The following KMT5B variants were observed in gnomAD, a reference collection of about 807,000 sequenced individuals.
KMT5B encodes the protein lysine methyltransferase 5B.
In KMT5B, 10 loss-of-function variants were observed where a neutral mutation model predicts 83.2. The ratio of observed to expected loss-of-function variants is 0.12; its 90% CI spans 0.07 to 0.20. KMT5B has a LOEUF of 0.20. KMT5B is among the 10% of genes least tolerant of loss of function. KMT5B has a pLI of 1.00. For synonymous variants in KMT5B, 349 were observed against 388.8 expected (o/e 0.90, Z 1.20); for missense variants, 753 against 1,067.2 (o/e 0.71, Z 4.10).
intron 1 of KMT5B, among the ~76,000 whole-genome samples, chr11:68,195,407 C>G (rs1591038290): frequency 6.6e-6 from 1 of 152,106 alleles, no homozygotes; most frequent in African/African-American, 2.4e-5. Flanking sequence ...TTGTGAGGAT[C>G]ACATGAAATA....
At chr11:68,195,890 C>T (rs1007768709) in intron 1 of KMT5B, among the ~76,000 whole-genome samples, 1 of 152,184 alleles carries the variant, frequency 6.6e-6, no homozygotes, top group African/African-American at 2.4e-5. Context: ...GGTGTGGTGG[C>T]TCATGCCTGT....
At chr11:68,185,074 C>T (rs1274703155) in intron 3 of KMT5B, among the ~76,000 whole-genome samples, 4 of 151,894 alleles carry the variant, frequency 2.6e-5, no homozygotes, top group South Asian at 2.1e-4. Flanking sequence ...ACAGAGACAA[C>T]GTGTAAGAGA....
At chr11:68,167,322 T>G in intron 9 of KMT5B, 144 bp from the exon 10 acceptor site, 1 of 895,936 alleles carries the variant, frequency 1.1e-6, no homozygotes, top group Non-Finnish European at 1.6e-6. Flanking sequence ...AGACTAGAAC[T>G]CACAAAGGAA....
In KMT5B at chr11:68,156,303, C is replaced by T. The variant is rs1258855738; in HGVS notation, c.*1385G>A. On this transcript the variant is annotated 3_prime_UTR_variant, in exon 11 of 11. Coordinates refer to ENST00000304363, the MANE Select transcript of KMT5B (RefSeq NM_017635.5). ...GATTTATATTCCCAAATTCTCTGTC[C>T]AATGATTTGCAAAATAATCCAGAGA... 3.3e-5 allele frequency: 5 copies of T among 152,230 alleles called. No individual in the cohort carries two copies. The highest frequency in any genetic ancestry group is 9.7e-5 in the African/African-American group (4 of 41,172). 9.4% of individuals were successfully genotyped at this position (152,230 alleles called of 1,614,324 possible).
chr11:68,170,916 C>A, intron 9 of KMT5B, 99 bp downstream of exon 9: 1 of 1,293,560 alleles, frequency 7.7e-7, no homozygotes, highest in Non-Finnish European at 1.1e-6. Context: ...TAAAGACTAT[C>A]TCTGCATTTA....
At chr11:68,203,299 C>A (rs1022005382) in intron 1 of KMT5B, among the ~76,000 whole-genome samples, 4 of 152,234 alleles carry the variant, frequency 2.6e-5, no homozygotes, top group African/African-American at 7.2e-5. Context: ...TCATTAGAAT[C>A]CAGCACAAGA....
intron 10 of KMT5B, among the ~76,000 whole-genome samples, chr11:68,160,010 A>T (rs1168888345): frequency 6.6e-6 from 1 of 152,256 alleles, no homozygotes; most frequent in African/African-American, 2.4e-5. Flanking sequence ...TGGTAATGAC[A>T]ACCTGAGTAG....
chr11:68,188,595 C>G (rs1048803222), intron 2 of KMT5B, among the ~76,000 whole-genome samples: 3 of 151,896 alleles, frequency 2.0e-5, no homozygotes, highest in Admixed American at 6.6e-5. Flanking sequence ...TGGACTTAAG[C>G]AGATCCATTC....
At chr11:68,185,973 C>G (rs776217922) in intron 2 of KMT5B, 45 bp from the exon 3 acceptor site, 2 of 1,530,882 alleles carry the variant, frequency 1.3e-6, no homozygotes, top group Non-Finnish European at 1.8e-6. Context: ...TTGAAAACTA[C>G]TTAAATCTGC....
intron 10 of KMT5B, chr11:68,166,777 T>C: frequency 1.4e-6 from 2 of 1,399,936 alleles, no homozygotes; most frequent in African/African-American, 1.4e-5. Context: ...AGAAAAATAG[T>C]CTAGAGGACG....
intron 1 of KMT5B, among the ~76,000 whole-genome samples, chr11:68,209,321 A>G (rs577916490): frequency 1.3e-5 from 2 of 152,320 alleles, no homozygotes; most frequent in South Asian, 2.1e-4. Context: ...AATACTGGTC[A>G]TGTCCAGGGA....
At chr11:68,191,506 G>A (rs1340414227) in intron 1 of KMT5B, among the ~76,000 whole-genome samples, 1 of 151,880 alleles carries the variant, frequency 6.6e-6, no homozygotes, top group Non-Finnish European at 1.5e-5. Context: ...GCTAATTTTT[G>A]TATTTTTAGT....
intron 3 of KMT5B, among the ~76,000 whole-genome samples, chr11:68,185,556 G>A (rs896922568): frequency 8.5e-5 from 13 of 152,158 alleles, no homozygotes; most frequent in African/African-American, 2.9e-4. Flanking sequence ...AGCTTTATAC[G>A]TTAATAGAAA....
chr11:68,181,919 A>T (rs1465573820), intron 3 of KMT5B, among the ~76,000 whole-genome samples: 7 of 152,240 alleles, frequency 4.6e-5, no homozygotes, highest in African/African-American at 1.4e-4. Context: ...ACCGGCCTGA[A>T]GTGCTGGCAT....
Position 68,171,071 on chromosome 11 carries a change from A to G in KMT5B, c.921T>C (p.Tyr307=), listed in dbSNP as rs752845881. The part of the protein sequence containing the change: ...IEPGEEISCY[Y]GDGFFGENNE... The stretch of plus-strand genomic sequence containing the variant: ...TATTTTCTCCAAAGAACCCATCTCC[A>G]TAATAACAAGAAATTTCTTCTCCAG... The change falls in exon 9 of 11, where the codon TAT becomes TAC. Residue 307 remains tyrosine (Y), a synonymous_variant. Transcript: ENST00000304363. The surrounding 1 kb of genome is among the most constrained non-coding windows in gnomAD (Gnocchi z 5.1). The G allele has an allele frequency of 1.2e-6, 2 of 1,607,642 alleles. No individual in the cohort carries two copies. Among genetic ancestry groups the G allele is most frequent in the South Asian group, 2.2e-5 (2 of 89,056 alleles).
chr11:68,170,475 G>A (rs141890010), intron 9 of KMT5B, among the ~76,000 whole-genome samples: 68 of 152,272 alleles, frequency 4.5e-4, no homozygotes, highest in Admixed American at 3.7e-3. Context: ...TCACTATAAT[G>A]AGCAATATGA....
rs1378457823 is a variant in KMT5B at position 68,158,757 on chromosome 11, T to A, written c.1589A>T (p.Glu530Val). 1.2e-6 allele frequency: 2 copies of A among 1,613,988 alleles called. No homozygotes were observed. Among genetic ancestry groups the A allele is most frequent in the African/African-American group, 2.7e-5 (2 of 74,910 alleles). Residue 530 changes from glutamate (E) to valine (V), a missense_variant, in exon 11 of 11, where the codon GAG becomes GTG. Physicochemically the swap from Glu to Val is moderately radical, Grantham distance 121. Transcript: ENST00000304363. ...AGTTATGTAGGTGCAGGGCGAGCTC[T>A]CCCCCTGCGAATGAGCACCTCTCAC... Reference protein sequence around the residue: ...NPVRGAHSQGESSPCTYITRR... With the variant: ...NPVRGAHSQGVSSPCTYITRR...
At position 68,183,102 on chromosome 11, in the gene KMT5B, T is replaced by C. The variant is rs561945154; in HGVS notation, c.308+2679A>G. 2.0e-5 allele frequency among the ~76,000 whole-genome samples: 3 copies of C among 152,136 alleles called. No individual in the cohort carries two copies. In the South Asian group the frequency reaches 6.2e-4, roughly 32 times the overall value. ...TCTTGGTAATAAGGCATAATCAATA[T>C]AACTTTCTTGATGACCCCAGGTCAA... On this transcript the variant is annotated intron_variant, in intron 3 of 10. Transcript: ENST00000304363.
chr11:68,161,203 T>C (rs1854831059), intron 10 of KMT5B, among the ~76,000 whole-genome samples: 2 of 152,286 alleles, frequency 1.3e-5, no homozygotes, highest in South Asian at 4.1e-4. Context: ...GCAAATTTTT[T>C]TTTAATAAGA....
Sources: gnomAD v4.1 joint callset for allele counts (sites outside exome capture counted in the v4.1 genomes callset) on GRCh38, gnomAD v4.1.1 for gene constraint, Gnocchi (gnomAD v3.1) non-coding constraint, MANE v1.5 for transcripts, NCBI Gene and HGNC (gene_info 2026-07-23, HGNC 2026-07-21) for gene names.